Variants in RAB11FIP4 observed in about 807,000 individuals in gnomAD.
The protein encoded by RAB11FIP4 is RAB11 family interacting protein 4.
A neutral mutation model predicts 74.3 loss-of-function variants in RAB11FIP4; 23 were observed. The observed-to-expected ratio is 0.31, with a 90% CI of 0.22 to 0.44. RAB11FIP4 has a LOEUF of 0.44. RAB11FIP4 is among the 20% of genes least tolerant of loss of function. RAB11FIP4 has a pLI of 1.00. For synonymous variants in RAB11FIP4, 360 were observed against 359.9 expected, an observed-to-expected ratio of 1.00 and a Z score of 0.00; for missense variants, 630 against 863.9, an observed-to-expected ratio of 0.73 and a Z score of 3.39.
chr17:31,462,030 GA>G (rs2071638747), intron 3 of RAB11FIP4, among the ~76,000 whole-genome samples: 1 of 152,168 alleles, frequency 6.6e-6, no homozygotes, highest in African/African-American at 2.4e-5. Context: ...GGGAGGCCAA[GA>G]TGGGTGGATC....
intron 3 of RAB11FIP4, among the ~76,000 whole-genome samples, chr17:31,455,501 C>T (rs1171601195): frequency 6.6e-6 from 1 of 152,144 alleles, no homozygotes; most frequent in Non-Finnish European, 1.5e-5. Context: ...ATCCTTATGC[C>T]AAAGTGGCGT....
At chr17:31,523,745 C>A in intron 8 of RAB11FIP4, 134 bp downstream of exon 8, 1 of 1,038,096 alleles carries the variant, frequency 9.6e-7, no homozygotes, top group Non-Finnish European at 1.5e-6. Flanking sequence ...TGGCCCTGGT[C>A]ACGTGTTCCC....
chr17:31,474,875 C>CAAA (rs3058693), intron 3 of RAB11FIP4, among the ~76,000 whole-genome samples: 18 of 143,600 alleles, frequency 1.3e-4, no homozygotes, highest in African/African-American at 4.8e-4. Context: ...CAAAACAAAA[C>CAAA]AAAAAACAAA....
chr17:31,497,448 A>G (rs752918864), intron 3 of RAB11FIP4, among the ~76,000 whole-genome samples: 3 of 152,110 alleles, frequency 2.0e-5, no homozygotes, highest in Non-Finnish European at 4.4e-5. Context: ...ACTGCTCCTG[A>G]GACAGACGGA....
intron 3 of RAB11FIP4, among the ~76,000 whole-genome samples, chr17:31,458,298 G>A (rs985140544): frequency 6.6e-6 from 1 of 152,214 alleles, no homozygotes; most frequent in Admixed American, 6.5e-5. Context: ...TTGAGGAGCT[G>A]CATAGCTTGG....
At chr17:31,529,235 C>A (rs1204073435) in intron 13 of RAB11FIP4, among the ~76,000 whole-genome samples, 2 of 151,838 alleles carry the variant, frequency 1.3e-5, no homozygotes, top group Non-Finnish European at 2.9e-5. Flanking sequence ...GTAACTAGGA[C>A]TACAGGCACA....
intron 3 of RAB11FIP4, among the ~76,000 whole-genome samples, chr17:31,455,974 G>A (rs146595022): frequency 7.2e-4 from 110 of 152,306 alleles, no homozygotes; most frequent in Middle Eastern, 3.4e-3. Flanking sequence ...ATGTGATATC[G>A]GAGAAAGTCA....
At chr17:31,530,616 G>A in intron 14 of RAB11FIP4, 147 bp downstream of exon 14, 4 of 1,084,668 alleles carry the variant, frequency 3.7e-6, no homozygotes, top group Non-Finnish European at 5.2e-6. Flanking sequence ...GGGCAAGGCT[G>A]TGAGCAGGGG....
Position 31,536,963 on chromosome 17 carries a change from G to A in RAB11FIP4, c.*5231G>A, listed in dbSNP as rs571489058. ...AGGTTGCTCCTTTCCCCATCTGTAA[G>A]GTAGAGATGTCTGCCCCGGAGCTAC... On this transcript the variant is annotated 3_prime_UTR_variant, in exon 15 of 15. Transcript: ENST00000621161. The A allele has an allele frequency of 2.5e-6, 1 of 399,100 alleles. No homozygotes were observed. The highest frequency in any genetic ancestry group is 1.3e-4 in the South Asian group (1 of 7,856). 24.7% of individuals were successfully genotyped at this position (399,100 alleles called of 1,614,324 possible).
chr17:31,505,615 TATAATATATA>T (rs1225773493), intron 3 of RAB11FIP4, among the ~76,000 whole-genome samples: 5 of 37,252 alleles, frequency 1.3e-4, no homozygotes, highest in Non-Finnish European at 1.8e-4. Flanking sequence ...AATAATTATA[TATAATATATA>T]ATTATATAAT....
At chr17:31,402,881 T>C (rs1041326468) in intron 1 of RAB11FIP4, among the ~76,000 whole-genome samples, 5 of 152,060 alleles carry the variant, frequency 3.3e-5, no homozygotes, top group Admixed American at 1.3e-4. Flanking sequence ...CGCCTTGGCC[T>C]CCCAAAGTGC....
chr17:31,528,085 C>T (rs982175822), intron 11 of RAB11FIP4, among the ~76,000 whole-genome samples, 162 bp downstream of exon 11: 5 of 152,140 alleles, frequency 3.3e-5, no homozygotes, highest in Admixed American at 6.5e-5. Context: ...TTTTCTACAG[C>T]GAATGTATTT....
intron 10 of RAB11FIP4, 71 bp downstream of exon 10, chr17:31,525,301 C>A (rs2142825008): frequency 7.0e-7 from 1 of 1,426,444 alleles, no homozygotes; most frequent in Non-Finnish European, 9.3e-7. Context: ...GGGATAGGCG[C>A]TATCCCCATT....
intron 3 of RAB11FIP4, among the ~76,000 whole-genome samples, chr17:31,447,877 G>A (rs1353948712): frequency 6.7e-6 from 1 of 149,876 alleles, no homozygotes; most frequent in Non-Finnish European, 1.5e-5. Flanking sequence ...TTGGAGTGCA[G>A]TGGCGCGATC....
At chr17:31,408,306 C>A (rs2071061489) in intron 1 of RAB11FIP4, among the ~76,000 whole-genome samples, 1 of 152,150 alleles carries the variant, frequency 6.6e-6, no homozygotes, top group Non-Finnish European at 1.5e-5. Flanking sequence ...GTATTGCATT[C>A]AGTCTATTAG....
intron 3 of RAB11FIP4, among the ~76,000 whole-genome samples, chr17:31,438,880 G>C (rs1472420589): frequency 6.6e-6 from 1 of 152,156 alleles, no homozygotes; most frequent in Admixed American, 6.5e-5. Context: ...GGGAGGCTGA[G>C]GTGGGAGGAT....
rs1231058439 is a variant in RAB11FIP4, at chr17:31,487,959, C to T, written c.337-29692C>T. On this transcript the variant is annotated intron_variant, in intron 3 of 14. Transcript: ENST00000621161. ...GTTCCGGGGCCGCGTCCCTGTCCTC[C>T]GCCCCCGCCCCCGCCCCGCCCCGGC... 15 of 780,302 alleles carry T rather than the reference C, an allele frequency of 1.9e-5. 1 individual carries two copies. The highest frequency in any genetic ancestry group is 2.3e-5 in the Non-Finnish European group (15 of 640,902). 48.3% of individuals were successfully genotyped at this position (780,302 alleles called of 1,614,324 possible).
In RAB11FIP4 at chr17:31,535,057, TAA is replaced by T. The variant is rs1160252092; in HGVS notation, c.*3327_*3328del. On this transcript the variant is annotated 3_prime_UTR_variant, in exon 15 of 15. Transcript: ENST00000621161. ...GAGTTTATCCTAGATTATTTTATTT[TAA>T]ATTGGTAGAATTCTTTGCGAACTGT... The T allele has an allele frequency of 6.6e-6, 1 of 152,658 alleles. No individual in the cohort carries two copies. The highest frequency in any genetic ancestry group is 1.9e-4 in the East Asian group (1 of 5,200). The allele number at this position is 152,658 out of a possible 1,614,324, so 9.5% of individuals were successfully genotyped here.
intron 3 of RAB11FIP4, among the ~76,000 whole-genome samples, chr17:31,484,998 A>C (rs1308760074): frequency 1.3e-5 from 2 of 152,226 alleles, no homozygotes; most frequent in Admixed American, 1.3e-4. Flanking sequence ...GCACCCATGC[A>C]CAGAACCAGT....
Sources: allele counts gnomAD v4.1 joint callset (sites outside exome capture counted in the v4.1 genomes callset), GRCh38; gene constraint gnomAD v4.1.1; transcripts MANE v1.5; gene names NCBI Gene and HGNC (gene_info 2026-07-23, HGNC 2026-07-21).